USH2A: variants seen among roughly 807,000 people sequenced by gnomAD.
The protein encoded by USH2A is Usher syndrome 2A (autosomal recessive, mild).
USH2A carries 443 observed loss-of-function variants against 538.9 expected under a neutral mutation model. The observed-to-expected ratio is 0.82, with a 90% CI of 0.76 to 0.89. The LOEUF (loss-of-function observed/expected upper bound fraction) is 0.89. USH2A is among the 40% of genes least tolerant of loss of function. The probability of loss-of-function intolerance (pLI) is 0.00; values close to 1 mark genes in which losing one functional copy is unlikely to be tolerated. For synonymous variants in USH2A, 2,413 were observed against 2,273.5 expected (o/e 1.06, Z -1.75); for missense variants, 6,633 against 6,324.8 (o/e 1.05, Z -1.65).
rs762006612 is a variant in USH2A, at chr1:216,251,022, A to G, written c.2048T>C (p.Leu683Pro). The change falls in exon 12 of 72, where the codon CTA (leucine) becomes CCA (proline). Residue 683 changes from leucine to proline, a missense_variant. Leu to Pro is a moderately conservative substitution (Grantham distance 98, BLOSUM62 -3). Transcript: ENST00000307340. ...GCAGCCATCAGGATCCAACTCTTGT[A>G]GATTGTAGAATCCATTCTGGCACTG... ...CNQCQNGFYN[L>P]QELDPDGCSP... The G allele has an allele frequency of 3.1e-6, 5 of 1,614,088 alleles. No homozygotes were observed. The highest frequency in any genetic ancestry group is 3.4e-6 in the Non-Finnish European group (4 of 1,180,000).
At chr1:215,768,639 A>G (rs1255857561) in intron 55 of USH2A, among the ~76,000 whole-genome samples, 1 of 152,248 alleles carries the variant, frequency 6.6e-6, no homozygotes, top group Non-Finnish European at 1.5e-5. Context: ...ATAAAAGCTC[A>G]TCGGAAAATG....
chr1:216,010,245 C>G (rs6672655), intron 32 of USH2A, among the ~76,000 whole-genome samples: 148,098 of 152,298 alleles, frequency 0.97, 72,018 homozygotes, highest in East Asian at 1. Flanking sequence ...GCGGCCAGGC[C>G]TTCCTCCAGA....
At chr1:216,281,272 C>T (rs766681708) in intron 11 of USH2A, among the ~76,000 whole-genome samples, 3 of 150,238 alleles carry the variant, frequency 2.0e-5, no homozygotes, top group Non-Finnish European at 4.5e-5. Context: ...GTGTAATTCT[C>T]TCTGGCTATA....
chr1:216,067,763 G>C (rs1481371201), intron 30 of USH2A, among the ~76,000 whole-genome samples: 1 of 152,084 alleles, frequency 6.6e-6, no homozygotes, highest in East Asian at 1.9e-4. Flanking sequence ...ATGGGTAGAA[G>C]GTGAGAGACA....
At chr1:216,107,082 C>T (rs1427430848) in intron 21 of USH2A, among the ~76,000 whole-genome samples, 3 of 151,752 alleles carry the variant, frequency 2.0e-5, no homozygotes, top group Non-Finnish European at 3.0e-5. Context: ...ACATACTTTC[C>T]ATGTACATTT....
At chr1:215,999,478 G>A (rs1486871460) in intron 33 of USH2A, among the ~76,000 whole-genome samples, 1 of 152,114 alleles carries the variant, frequency 6.6e-6, no homozygotes, top group African/African-American at 2.4e-5. Flanking sequence ...ATTGATGACT[G>A]GAAGGGCTGA....
rs771787208 is a variant in USH2A at position 216,199,758 on chromosome 1, C to G, written c.3680G>C (p.Gly1227Ala). 26 of 1,613,976 alleles carry G rather than the reference C, an allele frequency of 1.6e-5. No individual in the cohort carries two copies. Among genetic ancestry groups the G allele is most frequent in the Non-Finnish European group, 2.2e-5 (26 of 1,180,008 alleles). The change falls in exon 17 of 72, where the codon GGC becomes GCC. Residue 1227 changes from glycine to alanine, a missense_variant. Gly to Ala is a moderately conservative substitution (Grantham distance 60). Transcript: ENST00000307340. ...TGTAATGGGCAAGCTGTGTAAACAG[C>G]CCCCGCTAGTACACGCCTGTACAGA... ...DFSVQACTSG[G>A]CLHSLPITVT...
At chr1:215,771,351 C>A (rs1028893929) in intron 55 of USH2A, among the ~76,000 whole-genome samples, 11 of 150,980 alleles carry the variant, frequency 7.3e-5, no homozygotes, top group Non-Finnish European at 1.2e-4. Context: ...GAGGCCGAGG[C>A]GGGCGGATCA....
intron 35 of USH2A, among the ~76,000 whole-genome samples, chr1:215,978,646 C>T (rs116122546): frequency 0.011 from 1,701 of 152,234 alleles, 25 homozygotes; most frequent in Non-Finnish European, 0.016. Flanking sequence ...ATAAGCACCA[C>T]AACAACTTTA....
chr1:216,391,746 G>T (rs1050106856), intron 3 of USH2A, among the ~76,000 whole-genome samples: 2 of 152,198 alleles, frequency 1.3e-5, no homozygotes, highest in African/African-American at 4.8e-5. Context: ...GGTGAGTGAG[G>T]TTAAGTGACT....
chr1:215,842,659 G>A (rs1663715352), intron 46 of USH2A, among the ~76,000 whole-genome samples: 1 of 135,132 alleles, frequency 7.4e-6, no homozygotes, highest in African/African-American at 2.9e-5. Context: ...TCCTTTACAG[G>A]GACATAGATG....
At chr1:215,986,383 G>A (rs1667875605) in intron 35 of USH2A, among the ~76,000 whole-genome samples, 2 of 150,062 alleles carry the variant, frequency 1.3e-5, no homozygotes, top group South Asian at 2.1e-4. Flanking sequence ...CCAGGCTCAG[G>A]TGATTTGCCC....
intron 64 of USH2A, 119 bp from the exon 65 acceptor site, chr1:215,650,920 A>G (rs1230175383): frequency 1.9e-6 from 2 of 1,077,650 alleles, no homozygotes; most frequent in African/African-American, 3.2e-5. Context: ...ACACAACAGG[A>G]AGAGATAAAC....
At chr1:216,229,314 T>C (rs1180838242) in intron 14 of USH2A, among the ~76,000 whole-genome samples, 1 of 151,924 alleles carries the variant, frequency 6.6e-6, no homozygotes, top group African/African-American at 2.4e-5. Flanking sequence ...TCTCTCTCTC[T>C]TTTTTGCTTT....
intron 35 of USH2A, among the ~76,000 whole-genome samples, chr1:215,990,952 G>A (rs550264051): frequency 1.3e-5 from 2 of 151,680 alleles, no homozygotes; most frequent in Admixed American, 6.6e-5. Context: ...TAGTAGAGAC[G>A]GAGTTTCGCT....
At chr1:215,942,517 GACAAATTGTGAACTTTC>G in intron 37 of USH2A, among the ~76,000 whole-genome samples, 1 of 152,128 alleles carries the variant, frequency 6.6e-6, no homozygotes, top group South Asian at 2.1e-4. Context: ...AGAGATTTTG[GACAAATTGTGAACTTTC>G]ACAGCTTCTA....
rs1571876641 is a variant in USH2A at position 215,998,756 on chromosome 1, A to G, written c.6657+131T>C. 8.5e-6 allele frequency: 8 copies of G among 942,006 alleles called. No individual in the cohort carries two copies. The East Asian group carries it at 2.1e-4, about 25-fold the overall frequency. 58.4% of individuals were successfully genotyped at this position (942,006 alleles called of 1,614,324 possible). On this transcript the variant is annotated intron_variant, in intron 34 of 71. Coordinates refer to ENST00000307340, the MANE Select transcript of USH2A (RefSeq NM_206933.4). ...CATTTAGGATGGGAAGAGAGTTTTC[A>G]GTATAAACAGCAATACATGAAGATT... is the stretch of plus-strand genomic sequence containing the variant.
chr1:215,991,357 A>C (rs953829835), intron 35 of USH2A, among the ~76,000 whole-genome samples: 5 of 152,290 alleles, frequency 3.3e-5, no homozygotes, highest in Middle Eastern at 3.4e-3. Flanking sequence ...GGGACTTCGA[A>C]GACAGATGGA....
intron 64 of USH2A, among the ~76,000 whole-genome samples, chr1:215,662,018 G>T (rs950960547): frequency 1.3e-5 from 2 of 152,184 alleles, no homozygotes; most frequent in Admixed American, 1.3e-4. Flanking sequence ...CTGAAGGGGA[G>T]AGTGCATGGA....
Sources: allele counts gnomAD v4.1 joint callset (sites outside exome capture counted in the v4.1 genomes callset), GRCh38; gene constraint gnomAD v4.1.1; transcripts MANE v1.5; gene names NCBI Gene and HGNC (gene_info 2026-07-23, HGNC 2026-07-21).